Variants in NRXN3 observed in about 807,000 individuals in gnomAD.
NRXN3 encodes the protein neurexin III.
In NRXN3, 32 loss-of-function variants were observed where a neutral mutation model predicts 137.6. That is an observed-to-expected ratio of 0.23 (90% confidence interval 0.18 to 0.31). The LOEUF is 0.31. Ranked by LOEUF, NRXN3 falls within the 10% of genes least tolerant of loss-of-function variation. NRXN3 has a pLI of 1.00. For missense variants in NRXN3, 1,574 were observed against 2,062.5 expected (o/e 0.76, Z 4.59); for synonymous variants, 798 against 784.5 (o/e 1.02, Z -0.29).
intron 4 of NRXN3, among the ~76,000 whole-genome samples, chr14:78,396,728 T>C (rs1489938974): frequency 6.6e-6 from 1 of 152,216 alleles, no homozygotes; most frequent in Non-Finnish European, 1.5e-5. Flanking sequence ...CAAGATGTCA[T>C]TTTTCTCTGA....
Position 79,381,763 on chromosome 14 carries a change from T to G in NRXN3, c.3263-85458T>G, listed in dbSNP as rs2094476740. The stretch of plus-strand genomic sequence containing the variant: ...GAGTGTTCCATAACATTGATCACAA[T>G]CAAATAATGAGGCACGATTCCATGA... On this transcript the variant is annotated intron_variant, in intron 15 of 20. Transcript: ENST00000335750. Among the ~76,000 whole-genome samples, 3 of 152,106 alleles carry G rather than the reference T, an allele frequency of 2.0e-5. No homozygotes were observed. The South Asian group carries it at 6.2e-4, about 32-fold the overall frequency.
chr14:79,619,131 T>C (rs1341802825), intron 16 of NRXN3, among the ~76,000 whole-genome samples: 1 of 152,132 alleles, frequency 6.6e-6, no homozygotes, highest in African/African-American at 2.4e-5. Flanking sequence ...AGTTTACAAA[T>C]ATTTTCTCCC....
intron 10 of NRXN3, among the ~76,000 whole-genome samples, chr14:78,924,621 C>A (rs1448181718): frequency 6.6e-6 from 1 of 152,228 alleles, no homozygotes; most frequent in South Asian, 2.1e-4. Flanking sequence ...GATAACAAAC[C>A]ATTGCCTTTC....
At chr14:79,612,437 A>G (rs985979663) in intron 16 of NRXN3, among the ~76,000 whole-genome samples, 43 of 152,194 alleles carry the variant, frequency 2.8e-4, no homozygotes, top group African/African-American at 9.9e-4. Flanking sequence ...TAGAAAGTCC[A>G]GGGGAAAGGA....
intron 16 of NRXN3, among the ~76,000 whole-genome samples, chr14:79,588,038 G>T (rs2153817938): frequency 6.6e-6 from 1 of 152,262 alleles, no homozygotes; most frequent in South Asian, 2.1e-4. Context: ...TCTCAAATAT[G>T]ATTATAGGCT....
intron 4 of NRXN3, among the ~76,000 whole-genome samples, chr14:78,309,643 T>A (rs1032514562): frequency 2.6e-5 from 4 of 152,148 alleles, no homozygotes; most frequent in African/African-American, 9.7e-5. Context: ...GTTATGGCAA[T>A]GCAAATTACA....
At chr14:78,402,013 C>T (rs1009426724) in intron 4 of NRXN3, among the ~76,000 whole-genome samples, 3 of 152,218 alleles carry the variant, frequency 2.0e-5, no homozygotes, top group Admixed American at 1.3e-4. Context: ...TTCTGTCTCA[C>T]TGCATGTGGT....
chr14:78,961,715 A>T (rs976932637), intron 11 of NRXN3, among the ~76,000 whole-genome samples: 1 of 152,222 alleles, frequency 6.6e-6, no homozygotes, highest in African/African-American at 2.4e-5. Flanking sequence ...CCAGTGAAGA[A>T]GTCTTGGAAG....
rs1175154184 is a variant in NRXN3 at position 79,711,242 on chromosome 14, G to A, written c.4014+13305G>A. ...TATAGTTTTATGGAATGTTTATATT[G>A]GAAGAATCTCAGAGATTGAGCCCCA... On this transcript the variant is annotated intron_variant, in intron 19 of 20. Transcript: ENST00000335750. Among the ~76,000 whole-genome samples, 3 of 152,054 alleles carry A rather than the reference G, an allele frequency of 2.0e-5. No homozygotes were observed. In the East Asian group the frequency reaches 5.8e-4, roughly 29 times the overall value.
chr14:78,559,925 T>C (rs1048952983), intron 4 of NRXN3, among the ~76,000 whole-genome samples: 5 of 152,252 alleles, frequency 3.3e-5, no homozygotes, highest in Admixed American at 6.5e-5. Flanking sequence ...ATTTGTGTAC[T>C]TGTCTGCAGC....
chr14:78,758,909 CCCATT>C, intron 8 of NRXN3, among the ~76,000 whole-genome samples: 1 of 152,086 alleles, frequency 6.6e-6, no homozygotes, highest in African/African-American at 2.4e-5. Context: ...GGAGGAAAAA[CCCATT>C]TAATATTTAG....
At chr14:78,505,236 A>C (rs1250934014) in intron 4 of NRXN3, among the ~76,000 whole-genome samples, 1 of 152,134 alleles carries the variant, frequency 6.6e-6, no homozygotes, top group Non-Finnish European at 1.5e-5. Context: ...GCAAGAAACA[A>C]GGAGAAAGAT....
intron 15 of NRXN3, among the ~76,000 whole-genome samples, chr14:79,086,653 C>T (rs760810387): frequency 2.0e-5 from 3 of 152,128 alleles, no homozygotes; most frequent in African/African-American, 4.8e-5. Context: ...AAGGATACGT[C>T]GAAGGCTTTT....
intron 10 of NRXN3, among the ~76,000 whole-genome samples, chr14:78,877,476 A>G (rs2099116604): frequency 6.6e-6 from 1 of 152,118 alleles, no homozygotes; most frequent in Non-Finnish European, 1.5e-5. Flanking sequence ...TTGGAATTCA[A>G]AATACATACT....
chr14:79,469,434 T>A lies in NRXN3; in HGVS notation c.3444+2032T>A, dbSNP rs2153616723. ...TTCTTTGGGGTCTTTGAAAAGTGAA[T>A]ACTCTAAACATACTTTGAGATTCAG... is the stretch of plus-strand genomic sequence containing the variant. On this transcript the variant is annotated intron_variant, in intron 16 of 20. Coordinates refer to ENST00000335750, the MANE Select transcript of NRXN3 (RefSeq NM_001330195.2). Among the ~76,000 whole-genome samples the A allele has an allele frequency of 2.6e-5, 4 of 152,344 alleles. No individual in the cohort carries two copies. In the South Asian group the frequency reaches 8.3e-4, roughly 32 times the overall value.
At chr14:79,191,194 C>T (rs1464307814) in intron 15 of NRXN3, among the ~76,000 whole-genome samples, 3 of 152,202 alleles carry the variant, frequency 2.0e-5, no homozygotes, top group Non-Finnish European at 2.9e-5. Context: ...GACAAGTCAT[C>T]ATACCAGTAT....
At chr14:78,651,048 G>T (rs2097737030) in intron 5 of NRXN3, 117 bp from the exon 6 acceptor site, 5 of 982,462 alleles carry the variant, frequency 5.1e-6, no homozygotes, top group Non-Finnish European at 7.4e-6. Context: ...AAATTAGAAA[G>T]TATATCTCAT....
chr14:78,932,903 T>A (rs1168081515), intron 10 of NRXN3, among the ~76,000 whole-genome samples: 1 of 152,106 alleles, frequency 6.6e-6, no homozygotes, highest in East Asian at 1.9e-4. Context: ...CTAGTCAGAG[T>A]TCTTGGAGTT....
chr14:79,758,397 G>GAGAGAGAGGGAGAGCA (rs2099027115), intron 19 of NRXN3, among the ~76,000 whole-genome samples: 1 of 151,976 alleles, frequency 6.6e-6, no homozygotes, highest in Non-Finnish European at 1.5e-5. Flanking sequence ...AGATCTCATG[G>GAGAGAGAGGGAGAGCA]AGAGAGAGGG....
Sources: allele counts gnomAD v4.1 joint callset (sites outside exome capture counted in the v4.1 genomes callset), GRCh38; gene constraint gnomAD v4.1.1; transcripts MANE v1.5; gene names NCBI Gene and HGNC (gene_info 2026-07-23, HGNC 2026-07-21).